Variants in NID1 observed in about 807,000 individuals in gnomAD.
NID1 encodes the protein nidogen 1.
A neutral mutation model predicts 130.6 loss-of-function variants in NID1; 76 were observed. The ratio of observed to expected loss-of-function variants is 0.58; its 90% CI spans 0.48 to 0.70. The LOEUF is 0.70. NID1 is among the 30% of genes least tolerant of loss of function. The pLI is 0.00. For missense variants in NID1, 1,517 were observed against 1,664.8 expected (o/e 0.91, Z 1.54); for synonymous variants, 665 against 675.1 (o/e 0.98, Z 0.23).
chr1:236,018,048 T>G (rs890797066), intron 9 of NID1, among the ~76,000 whole-genome samples: 3 of 152,236 alleles, frequency 2.0e-5, no homozygotes, highest in Non-Finnish European at 4.4e-5. Flanking sequence ...TGTGAATTTT[T>G]GAATATTATC....
At chr1:236,023,484 T>C (rs963643868) in intron 9 of NID1, among the ~76,000 whole-genome samples, 1 of 152,228 alleles carries the variant, frequency 6.6e-6, no homozygotes, top group African/African-American at 2.4e-5. Context: ...TGTTGTTTAA[T>C]GGGTACAGAG....
Position 236,045,532 on chromosome 1 carries a change from A to G in NID1, c.677T>C (p.Val226Ala), listed in dbSNP as rs1157204666. 3 of 1,614,080 alleles carry G rather than the reference A, an allele frequency of 1.9e-6. No individual in the cohort carries two copies. Among genetic ancestry groups the G allele is most frequent in the Non-Finnish European group, 2.5e-6 (3 of 1,180,048 alleles). The part of the protein sequence containing the change: ...PAVVAFSQGS[V>A]GFLWKSNGAY... ...TCCGTTGCTCTTCCATAAGAATCCC[A>G]CTGAACCTTGACTGAATGCAACCAC... The change falls in exon 3 of 20, where the codon GTG becomes GCG. Residue 226 changes from valine (V) to alanine (A), a missense_variant. Physicochemically the swap from Val to Ala is moderately conservative, Grantham distance 64. Coordinates refer to ENST00000264187, the MANE Select transcript of NID1 (RefSeq NM_002508.3).
chr1:236,045,252 TG>T (rs1446981409), intron 3 of NID1, among the ~76,000 whole-genome samples: 1 of 148,782 alleles, frequency 6.7e-6, no homozygotes, highest in Non-Finnish European at 1.5e-5. Flanking sequence ...TAAATGAGGA[TG>T]ATATCTAAAA....
In NID1 at chr1:235,980,014, G is replaced by C. The variant is rs528175020; in HGVS notation, c.3386-69C>G. 2.0e-6 allele frequency: 3 copies of C among 1,535,942 alleles called. No individual in the cohort carries two copies. In the East Asian group the frequency reaches 6.9e-5, roughly 35 times the overall value. ...TGGCCCCTTTGTGCAAAAAAAACAA[G>C]AGTAATGAGGGCAAGAGTGGGAGAA... On this transcript the variant is annotated intron_variant, in intron 17 of 19. Coordinates refer to ENST00000264187, the MANE Select transcript of NID1 (RefSeq NM_002508.3).
At chr1:236,049,082 C>A in intron 1 of NID1, 93 bp from the exon 2 acceptor site, 1 of 1,296,778 alleles carries the variant, frequency 7.7e-7, no homozygotes, top group South Asian at 1.3e-5. Flanking sequence ...GTCAGCTGTA[C>A]CCATGCTGTG....
At chr1:236,050,977 G>T (rs1558449337) in intron 1 of NID1, among the ~76,000 whole-genome samples, 1 of 152,094 alleles carries the variant, frequency 6.6e-6, no homozygotes. Context: ...CAGCTACTTG[G>T]GAGACTGAGG....
intron 11 of NID1, among the ~76,000 whole-genome samples, 192 bp downstream of exon 11, chr1:236,013,219 A>G (rs550737787): frequency 1.3e-5 from 2 of 152,362 alleles, no homozygotes; most frequent in Non-Finnish European, 2.9e-5. Context: ...GTCATCAATG[A>G]GAATAGCCCC....
At position 235,993,753 on chromosome 1, in the gene NID1, G is replaced by A. The variant is rs759757933; in HGVS notation, c.2647C>T (p.His883Tyr). 6.2e-7 allele frequency: 1 copy of A among 1,613,772 alleles called. No homozygotes were observed. The highest frequency in any genetic ancestry group is 8.5e-7 in the Non-Finnish European group (1 of 1,179,866). ...CCGTGGCACTGGGTGGGCGCGTAGT[G>A]CCCGTGCGCATCGCACTCAGGAACG... is the stretch of plus-strand genomic sequence containing the variant. ...LFVPECDAHG[H>Y]YAPTQCHGST... Residue 883 changes from histidine to tyrosine, a missense_variant, in exon 13 of 20, where the codon CAC becomes TAC. Coordinates refer to ENST00000264187, the MANE Select transcript of NID1 (RefSeq NM_002508.3).
intron 8 of NID1, among the ~76,000 whole-genome samples, chr1:236,025,268 T>C (rs970468838): frequency 2.1e-5 from 3 of 146,132 alleles, no homozygotes; most frequent in African/African-American, 7.7e-5. Flanking sequence ...TTTCTCTTTT[T>C]TTTTTTTTTT....
rs1357060145 is a variant in NID1 at position 236,064,663 on chromosome 1, G to A, written c.225+192C>T. ...ACCCAGACCCCGCGACCCGCTCTTC[G>A]GATAGCAGGGACCGGGTCGGGAAGA... On this transcript the variant is annotated intron_variant, in intron 1 of 19. Coordinates refer to ENST00000264187, the MANE Select transcript of NID1 (RefSeq NM_002508.3). The A allele has an allele frequency of 1.4e-5, 9 of 633,448 alleles. No individual in the cohort carries two copies. In the Admixed American group the frequency reaches 1.9e-4, roughly 13 times the overall value. The allele number at this position is 633,448 out of a possible 1,614,324, so 39.2% of individuals were successfully genotyped here. A position where few individuals can be genotyped will look rare whatever the true frequency, so the allele number is the denominator to read the frequency against.
At chr1:236,002,792 G>C (rs1658119409) in intron 12 of NID1, among the ~76,000 whole-genome samples, 1 of 152,182 alleles carries the variant, frequency 6.6e-6, no homozygotes, top group South Asian at 2.1e-4. Flanking sequence ...GGCCATGTGA[G>C]AGTCACAAGG....
chr1:236,038,129 G>T lies in NID1; in HGVS notation c.1260C>A (p.Gly420=). 6.2e-7 allele frequency: 1 copy of T among 1,603,860 alleles called. No individual in the cohort carries two copies. The highest frequency in any genetic ancestry group is 8.5e-7 in the Non-Finnish European group (1 of 1,172,030). ...CTTCTGCAACACATTGCCTGCCATTGCCCGTATAGCCAGCGACACAGCTGC... is the reference window on the plus strand; with the variant it reads ...CTTCTGCAACACATTGCCTGCCATTTCCCGTATAGCCAGCGACACAGCTGC... ...FCCSCVAGYT[G]NGRQCVAEGS... The change falls in exon 5 of 20, where the codon GGC becomes GGA. Residue 420 remains glycine (G), a synonymous_variant. Transcript: ENST00000264187.
chr1:236,023,795 A>G (rs1472761730), intron 9 of NID1, among the ~76,000 whole-genome samples: 1 of 152,022 alleles, frequency 6.6e-6, no homozygotes, highest in East Asian at 1.9e-4. Flanking sequence ...CTGACTTACA[A>G]CTCCTTTTAA....
intron 12 of NID1, among the ~76,000 whole-genome samples, chr1:235,998,486 C>T (rs1310826492): frequency 6.6e-6 from 1 of 152,002 alleles, no homozygotes; most frequent in Admixed American, 6.5e-5. Context: ...ACCAGCCTGG[C>T]CAACATGGAG....
intron 10 of NID1, among the ~76,000 whole-genome samples, chr1:236,014,684 C>G (rs1658531889): frequency 6.6e-6 from 1 of 152,148 alleles, no homozygotes; most frequent in Non-Finnish European, 1.5e-5. Flanking sequence ...AGCTTTTTGC[C>G]TAAGCCTGGG....
At chr1:236,026,280 A>G (rs747552736) in intron 7 of NID1, 139 bp from the exon 8 acceptor site, 1 of 1,024,914 alleles carries the variant, frequency 9.8e-7, no homozygotes, top group Non-Finnish European at 1.4e-6. Flanking sequence ...CAGACCAGAC[A>G]GAACAGCTTA....
chr1:236,060,829 A>G (rs1171310981), intron 1 of NID1: 1 of 152,142 alleles, frequency 6.6e-6, no homozygotes, highest in Non-Finnish European at 1.5e-5. Context: ...CTATCAAAGA[A>G]GTAGCCCTTG....
In NID1 at chr1:236,003,131, A is replaced by AGTGGTAGTTGT. The variant is rs1372288701; in HGVS notation, c.2527+8789_2527+8790insACAACTACCAC. 1.1e-4 allele frequency among the ~76,000 whole-genome samples: 16 copies of AGTGGTAGTTGT among 149,964 alleles called. 1 individual carries two copies. The highest frequency in any genetic ancestry group is 3.4e-4 in the African/African-American group (14 of 40,952). ...TGGTAGTTGTCACTCCTAGTGAACG[A>AGTGGTAGTTGT]CTGGTAGTTGTCACTCCTAGTGAAC... On this transcript the variant is annotated intron_variant, in intron 12 of 19. Coordinates refer to ENST00000264187, the MANE Select transcript of NID1 (RefSeq NM_002508.3).
chr1:236,016,754 A>C (rs1271481534), intron 10 of NID1, among the ~76,000 whole-genome samples: 1 of 152,214 alleles, frequency 6.6e-6, no homozygotes, highest in South Asian at 2.1e-4. Context: ...TCAATCTAAG[A>C]TAGGTAATGA....
Sources: allele counts gnomAD v4.1 joint callset (sites outside exome capture counted in the v4.1 genomes callset), GRCh38; gene constraint gnomAD v4.1.1; transcripts MANE v1.5; gene names NCBI Gene and HGNC (gene_info 2026-07-23, HGNC 2026-07-21).